The following SNTG1 variants were observed in gnomAD, a reference collection of about 807,000 sequenced individuals.
SNTG1 encodes gamma-1-syntrophin.
SNTG1 carries 39 observed loss-of-function variants against 74.7 expected under a neutral mutation model. The observed-to-expected ratio is 0.52, with a 90% CI of 0.40 to 0.68. The LOEUF is 0.68. Ranked by LOEUF, SNTG1 falls within the 30% of genes least tolerant of loss-of-function variation. The pLI is 0.00. For missense variants in SNTG1, 685 were observed against 609.5 expected (o/e 1.12, Z -1.30); for synonymous variants, 254 against 217.1 (o/e 1.17, Z -1.49).
At chr8:50,003,355 G>A (rs1274552015) in intron 1 of SNTG1, among the ~76,000 whole-genome samples, 3 of 152,138 alleles carry the variant, frequency 2.0e-5, no homozygotes, top group Non-Finnish European at 4.4e-5. Flanking sequence ...AATGAAATTT[G>A]TAACTGTCAG....
intron 1 of SNTG1, among the ~76,000 whole-genome samples, chr8:50,109,512 C>G (rs2080502206): frequency 6.6e-6 from 1 of 152,042 alleles, no homozygotes; most frequent in African/African-American, 2.4e-5. Flanking sequence ...ATCAAGAGTT[C>G]TCAAATTATG....
At chr8:50,498,707 G>T (rs2093925386) in intron 8 of SNTG1, among the ~76,000 whole-genome samples, 1 of 151,824 alleles carries the variant, frequency 6.6e-6, no homozygotes, top group Admixed American at 6.6e-5. Context: ...ACTTTTAGAA[G>T]TTTTATAAGC....
At chr8:50,790,411 C>CT (rs1402146215) in intron 18 of SNTG1, among the ~76,000 whole-genome samples, 1 of 151,634 alleles carries the variant, frequency 6.6e-6, no homozygotes, top group African/African-American at 2.4e-5. Flanking sequence ...GATCATAAGA[C>CT]TTTTTTTACA....
intron 2 of SNTG1, among the ~76,000 whole-genome samples, chr8:50,247,613 C>T (rs2086457775): frequency 6.6e-6 from 1 of 152,042 alleles, no homozygotes; most frequent in Non-Finnish European, 1.5e-5. Context: ...TCTGGTAGTC[C>T]TCCTGCCTCA....
intron 2 of SNTG1, among the ~76,000 whole-genome samples, chr8:50,389,967 T>C (rs1382840375): frequency 6.6e-6 from 1 of 152,254 alleles, no homozygotes; most frequent in Non-Finnish European, 1.5e-5. Context: ...GAGTTCTTTG[T>C]AGGTTCTGGA....
At chr8:50,313,772 A>C (rs1216289637) in intron 2 of SNTG1, among the ~76,000 whole-genome samples, 2 of 150,038 alleles carry the variant, frequency 1.3e-5, no homozygotes, top group Non-Finnish European at 2.9e-5. Context: ...GACATAAAAA[A>C]CAATGTAAAG....
At chr8:50,327,525 T>C (rs2090796995) in intron 2 of SNTG1, among the ~76,000 whole-genome samples, 1 of 152,194 alleles carries the variant, frequency 6.6e-6, no homozygotes, top group Non-Finnish European at 1.5e-5. Context: ...TTCTGTATCC[T>C]CTTACTTTGA....
intron 1 of SNTG1, among the ~76,000 whole-genome samples, chr8:50,115,206 T>C (rs1364940295): frequency 1.3e-5 from 2 of 151,984 alleles, no homozygotes; most frequent in African/African-American, 4.8e-5. Flanking sequence ...AAAATTCAGG[T>C]GTTAAGACTG....
At chr8:50,709,031 G>T (rs2095453843) in intron 17 of SNTG1, 53 bp downstream of exon 17, 1 of 1,340,954 alleles carries the variant, frequency 7.5e-7, no homozygotes, top group Non-Finnish European at 1.1e-6. Context: ...TCTAATTGAA[G>T]AATGATTTAA....
chr8:49,962,189 A>G (rs774897921), intron 1 of SNTG1, among the ~76,000 whole-genome samples: 5 of 152,028 alleles, frequency 3.3e-5, no homozygotes, highest in African/African-American at 4.8e-5. Context: ...CCATAAGATG[A>G]GCTTCATAAT....
chr8:50,634,409 A>G (rs1010943827), intron 13 of SNTG1, among the ~76,000 whole-genome samples: 4 of 151,894 alleles, frequency 2.6e-5, no homozygotes, highest in Non-Finnish European at 5.9e-5. Context: ...AAATCTTTGA[A>G]CTCATTTCAT....
chr8:50,695,052 C>A (rs186989101), intron 15 of SNTG1, among the ~76,000 whole-genome samples: 1 of 151,880 alleles, frequency 6.6e-6, no homozygotes, highest in South Asian at 2.1e-4. Context: ...TATCACCACT[C>A]GTATTCATTA....
chr8:50,410,570 A>C (rs2092934932), intron 4 of SNTG1, among the ~76,000 whole-genome samples: 2 of 152,192 alleles, frequency 1.3e-5, no homozygotes, highest in Non-Finnish European at 2.9e-5. Flanking sequence ...TTTTACAGTA[A>C]TGTAACACAT....
At chr8:50,189,288 T>C (rs2083484815) in intron 2 of SNTG1, among the ~76,000 whole-genome samples, 1 of 152,132 alleles carries the variant, frequency 6.6e-6, no homozygotes, top group South Asian at 2.1e-4. Flanking sequence ...TATTTTTTTT[T>C]CAGTAGTCTT....
intron 12 of SNTG1, among the ~76,000 whole-genome samples, chr8:50,563,553 A>C (rs551307933): frequency 6.6e-6 from 1 of 152,220 alleles, no homozygotes; most frequent in African/African-American, 2.4e-5. Flanking sequence ...TGTCTCTCAT[A>C]ATGAAATGTC....
At chr8:50,639,578 A>G (rs1303418968) in intron 13 of SNTG1, among the ~76,000 whole-genome samples, 1 of 152,022 alleles carries the variant, frequency 6.6e-6, no homozygotes, top group African/African-American at 2.4e-5. Flanking sequence ...TATCAACAGA[A>G]TTGTGTGCAA....
chr8:49,925,756 G>A (rs973579913), intron 1 of SNTG1, among the ~76,000 whole-genome samples: 1 of 152,142 alleles, frequency 6.6e-6, no homozygotes, highest in African/African-American at 2.4e-5. Flanking sequence ...GCCTGTGCCA[G>A]TAGTTTATTC....
At chr8:50,591,239 C>T (rs1232786657) in intron 13 of SNTG1, among the ~76,000 whole-genome samples, 1 of 151,896 alleles carries the variant, frequency 6.6e-6, no homozygotes, top group Non-Finnish European at 1.5e-5. Context: ...TCTGGGAGAC[C>T]TACTTTTAAT....
At chr8:50,426,146 A>G (rs1362309355) in intron 4 of SNTG1, among the ~76,000 whole-genome samples, 3 of 152,150 alleles carry the variant, frequency 2.0e-5, no homozygotes, top group Non-Finnish European at 2.9e-5. Context: ...ATTGTAACAC[A>G]AGTCCATAGT....
Sources: gnomAD v4.1 joint callset for allele counts (sites outside exome capture counted in the v4.1 genomes callset) on GRCh38, gnomAD v4.1.1 for gene constraint, MANE v1.5 for transcripts, NCBI Gene and HGNC (gene_info 2026-07-23, HGNC 2026-07-21) for gene names.